Variants in C2CD3 observed in about 807,000 individuals in gnomAD.
The protein encoded by C2CD3 is C2 domain containing 3 centriole elongation regulator, also known as C2 domain-containing protein 3.
Under a neutral mutation model 234.0 loss-of-function variants are expected in C2CD3, and 148 were observed. The observed-to-expected ratio is 0.63, with a 90% confidence interval of 0.55 to 0.72. C2CD3 has a LOEUF of 0.72. C2CD3 is among the 30% of genes least tolerant of loss of function. The pLI is 0.00. For missense variants in C2CD3, 2,577 were observed against 2,811.5 expected (o/e 0.92, Z 1.89); for synonymous variants, 1,000 against 1,035.4 (o/e 0.97, Z 0.66).
intron 29 of C2CD3, among the ~76,000 whole-genome samples, 198 bp downstream of exon 29, chr11:74,041,856 C>G (rs983666533): frequency 2.6e-5 from 4 of 152,140 alleles, no homozygotes; most frequent in African/African-American, 9.7e-5. Context: ...AATGGAAGGT[C>G]CCAAGCTGAT....
chr11:74,141,466 A>T (rs935219348), intron 3 of C2CD3, among the ~76,000 whole-genome samples: 3 of 152,174 alleles, frequency 2.0e-5, no homozygotes, highest in Non-Finnish European at 4.4e-5. Flanking sequence ...GAAACAAAGG[A>T]GACACTGAGG....
intron 32 of C2CD3, among the ~76,000 whole-genome samples, chr11:74,015,527 G>A (rs1055293925): frequency 1.3e-5 from 2 of 152,136 alleles, no homozygotes; most frequent in Non-Finnish European, 2.9e-5. Context: ...GATTTTCTGG[G>A]TCATCAGTTG....
intron 2 of C2CD3, among the ~76,000 whole-genome samples, chr11:74,166,836 C>T (rs760685213): frequency 6.6e-6 from 1 of 152,232 alleles, no homozygotes; most frequent in Non-Finnish European, 1.5e-5. Flanking sequence ...GATCACTTTA[C>T]AAACATTTTT....
At chr11:74,055,548 G>A (rs1953914182) in intron 25 of C2CD3, among the ~76,000 whole-genome samples, 1 of 152,120 alleles carries the variant, frequency 6.6e-6, no homozygotes, top group Non-Finnish European at 1.5e-5. Flanking sequence ...TGAGCGGCAC[G>A]GTGCTAAAGT....
chr11:74,027,570 T>A (rs959711090), intron 32 of C2CD3, among the ~76,000 whole-genome samples: 1 of 152,218 alleles, frequency 6.6e-6, no homozygotes, highest in Non-Finnish European at 1.5e-5. Flanking sequence ...CTGTTCTTTA[T>A]CACAGCACCT....
chr11:74,095,257 A>G lies in C2CD3; in HGVS notation c.3131T>C (p.Val1044Ala), dbSNP rs557383222. The change falls in exon 17 of 33, where the codon GTG becomes GCG. Residue 1044 changes from valine to alanine, a missense_variant. Val to Ala is a moderately conservative substitution (Grantham distance 64). Coordinates refer to ENST00000334126, the MANE Select transcript of C2CD3 (RefSeq NM_001286577.2). ...TTCAAGGAACTCAGGTCCTTTCAGC[A>G]CACTGGATTGAGAGTGTTGAACTGG... is the stretch of plus-strand genomic sequence containing the variant. ...YFPVQHSQSS[V>A]LKGPEFLENG... 1.9e-6 allele frequency: 3 copies of G among 1,613,318 alleles called. No homozygotes were observed. In the Admixed American group the frequency reaches 5.0e-5, roughly 27 times the overall value.
rs760963090 is a variant in C2CD3 at position 74,114,635 on chromosome 11, G to A, written c.1521-42C>T. 3.2e-6 allele frequency: 4 copies of A among 1,241,900 alleles called. No homozygotes were observed. The South Asian group carries it at 3.6e-5, about 11-fold the overall frequency. 76.9% of individuals were successfully genotyped at this position (1,241,900 alleles called of 1,614,324 possible). ...CAAGCAGTGAGGCATACTGCTACAG[G>A]CTTCACATGAAACAATCTAGTTTGC... On this transcript the variant is annotated intron_variant, in intron 9 of 32. Transcript: ENST00000334126.
intron 28 of C2CD3, among the ~76,000 whole-genome samples, chr11:74,045,735 C>T (rs1399075584): frequency 1.3e-5 from 2 of 151,896 alleles, no homozygotes; most frequent in African/African-American, 2.4e-5. Flanking sequence ...CTATGCCTGG[C>T]TAATTTTTTT....
rs184334232 is a variant in C2CD3 at position 74,110,944 on chromosome 11, G to A, written c.1844-1792C>T. Among the ~76,000 whole-genome samples the A allele has an allele frequency of 2.0e-5, 3 of 152,334 alleles. No individual in the cohort carries two copies. In the East Asian group the frequency reaches 5.8e-4, roughly 29 times the overall value. On this transcript the variant is annotated intron_variant, in intron 11 of 32. Coordinates refer to ENST00000334126, the MANE Select transcript of C2CD3 (RefSeq NM_001286577.2). Reference sequence around the variant, plus strand: ...GTGGTATAATCAGAACTAGAACCCAGTCTTGCAATTCTTTGCTCAATGCTT... The same window carrying A: ...GTGGTATAATCAGAACTAGAACCCAATCTTGCAATTCTTTGCTCAATGCTT...
chr11:74,083,023 C>A (rs1255714441), intron 22 of C2CD3, among the ~76,000 whole-genome samples: 4 of 152,130 alleles, frequency 2.6e-5, no homozygotes, highest in Non-Finnish European at 5.9e-5. Context: ...GGAGGCATCA[C>A]GCTACCTGAC....
chr11:74,104,411 G>A (rs377467015), intron 13 of C2CD3, among the ~76,000 whole-genome samples: 13 of 152,236 alleles, frequency 8.5e-5, no homozygotes, highest in East Asian at 5.8e-4. Flanking sequence ...TGATGTCCTT[G>A]TTCTAAGGAA....
chr11:74,072,332 G>T (rs535436607), intron 24 of C2CD3, among the ~76,000 whole-genome samples: 1 of 152,202 alleles, frequency 6.6e-6, no homozygotes, highest in Non-Finnish European at 1.5e-5. Flanking sequence ...GTATAAACGG[G>T]GAGGAGTAGG....
At position 74,034,596 on chromosome 11, in the gene C2CD3, C is replaced by T. The variant is rs771417857; in HGVS notation, c.5882-318G>A. 3.1e-6 allele frequency: 5 copies of T among 1,613,018 alleles called. No individual in the cohort carries two copies. The African/African-American group carries it at 4.0e-5, about 13-fold the overall frequency. On this transcript the variant is annotated intron_variant, in intron 30 of 32. Coordinates refer to ENST00000334126, the MANE Select transcript of C2CD3 (RefSeq NM_001286577.2). Reference sequence around the variant, plus strand: ...GTGGGCATGTTCATGCTTCCAGTTACTTCAGTAACTACCTATATTAAAAAT... The same window carrying T: ...GTGGGCATGTTCATGCTTCCAGTTATTTCAGTAACTACCTATATTAAAAAT...
Position 74,085,638 on chromosome 11 carries a change from T to C in C2CD3, c.3890A>G (p.Tyr1297Cys), listed in dbSNP as rs1095423. The C allele has an allele frequency of 7.9e-3, 12,698 of 1,614,100 alleles. 781 individuals are homozygous for C. In the African/African-American group the frequency reaches 0.14, roughly 18 times the overall value. ...CTCACCTGACTTGGTATTTTCATGA[T>C]AGACAGCAAAAATAACTTCTGCAAA... ...LEFAEVIFAV[Y>C]HENTKSASDI... is the part of the protein sequence containing the mutation. Residue 1297 changes from tyrosine (Y) to cysteine (C), a missense_variant, in exon 21 of 33, where the codon TAT becomes TGT. Tyr to Cys is a radical substitution (Grantham distance 194). Coordinates refer to ENST00000334126, the MANE Select transcript of C2CD3 (RefSeq NM_001286577.2).
intron 28 of C2CD3, among the ~76,000 whole-genome samples, chr11:74,043,394 G>A (rs1310465296): frequency 1.3e-5 from 2 of 152,248 alleles, no homozygotes; most frequent in African/African-American, 2.4e-5. Flanking sequence ...CTCAGTTGAC[G>A]GGCATGAGTT....
At position 74,078,832 on chromosome 11, in the gene C2CD3, C is replaced by T. The variant is rs1790393; in HGVS notation, c.4001-115G>A. The stretch of plus-strand genomic sequence containing the variant: ...TCCTGGCTCAAGACAGAACAGAAAA[C>T]ATACCCACAGTGAGTTGGAGTTTAT... On this transcript the variant is annotated intron_variant, in intron 22 of 32. Coordinates refer to ENST00000334126, the MANE Select transcript of C2CD3 (RefSeq NM_001286577.2). The T allele has an allele frequency of 0.033, 30,899 of 946,658 alleles. 2,187 individuals are homozygous for T. The highest frequency in any genetic ancestry group is 0.25 in the African/African-American group (14,982 of 59,548). The allele number at this position is 946,658 out of a possible 1,614,324, so 58.6% of individuals were successfully genotyped here. A position where few individuals can be genotyped will look rare whatever the true frequency, so the allele number is the denominator to read the frequency against.
At chr11:74,028,149 G>T in intron 32 of C2CD3, 138 bp downstream of exon 32, 1 of 607,798 alleles carries the variant, frequency 1.6e-6, no homozygotes, top group Non-Finnish European at 2.8e-6. Flanking sequence ...CACAGAATAT[G>T]CTCAGTACAA....
At position 74,078,387 on chromosome 11, in the gene C2CD3, T is replaced by A; in HGVS notation, c.4331A>T (p.His1444Leu). ...YCYLRYKFYD[H>L]EAFWTPLKKP... Reference sequence around the variant, plus strand: ...CTTGAGAGGGGTCCAAAAGGCTTCATGATCATAGAACTTGTAGCGAAGGTA... The same window carrying A: ...CTTGAGAGGGGTCCAAAAGGCTTCAAGATCATAGAACTTGTAGCGAAGGTA... The change falls in exon 23 of 33, where the codon CAT becomes CTT. Residue 1444 changes from histidine (H) to leucine (L), a missense_variant. By Grantham distance (99) the His-to-Leu change is moderately conservative. Coordinates refer to ENST00000334126, the MANE Select transcript of C2CD3 (RefSeq NM_001286577.2). 2 of 1,614,184 alleles carry A rather than the reference T, an allele frequency of 1.2e-6. No individual in the cohort carries two copies. Among genetic ancestry groups the A allele is most frequent in the Non-Finnish European group, 1.7e-6 (2 of 1,180,034 alleles).
chr11:74,092,127 A>T (rs1190402376), intron 19 of C2CD3, among the ~76,000 whole-genome samples: 1 of 151,482 alleles, frequency 6.6e-6, no homozygotes, highest in Admixed American at 6.6e-5. Context: ...ATCTTGGCTC[A>T]CTGCAACCTC....
Sources: gnomAD v4.1 joint callset for allele counts (sites outside exome capture counted in the v4.1 genomes callset) on GRCh38, gnomAD v4.1.1 for gene constraint, MANE v1.5 for transcripts, NCBI Gene and HGNC (gene_info 2026-07-23, HGNC 2026-07-21) for gene names.